The following USP45 variants were observed in gnomAD, a reference collection of about 807,000 sequenced individuals.
USP45 encodes the protein ubiquitin specific peptidase 45, also known as ubiquitin carboxyl-terminal hydrolase 45.
In USP45, 89 loss-of-function variants were observed where a neutral mutation model predicts 95.8. The ratio of observed to expected loss-of-function variants is 0.93; its 90% CI spans 0.78 to 1.11. The LOEUF is 1.11. Ranked by LOEUF, USP45 falls within the 50% of genes least tolerant of loss-of-function variation. USP45 has a pLI of 0.00. For missense variants in USP45, 898 were observed against 942.5 expected (o/e 0.95, Z 0.62); for synonymous variants, 281 against 316.2 (o/e 0.89, Z 1.18).
At chr6:99,484,120 G>A (rs192599487) in intron 7 of USP45, among the ~76,000 whole-genome samples, 294 of 145,946 alleles carry the variant, frequency 2.0e-3, no homozygotes, top group Non-Finnish European at 2.3e-3. Flanking sequence ...GCAGGCATGA[G>A]CCACCACACC....
intron 13 of USP45, among the ~76,000 whole-genome samples, chr6:99,460,241 G>A (rs1193010262): frequency 2.0e-5 from 3 of 152,000 alleles, no homozygotes; most frequent in Non-Finnish European, 4.4e-5. Flanking sequence ...TATCAAATCA[G>A]TACTTGTACC....
intron 3 of USP45, 109 bp downstream of exon 3, chr6:99,508,501 T>C: frequency 1.8e-6 from 2 of 1,113,774 alleles, no homozygotes; most frequent in Non-Finnish European, 2.5e-6. Context: ...TCTATCTAAA[T>C]TGGAATAAAT....
intron 7 of USP45, 23 bp downstream of exon 7, chr6:99,488,177 T>C (rs1794409605): frequency 2.0e-6 from 3 of 1,512,062 alleles, no homozygotes; most frequent in Non-Finnish European, 2.8e-6. Flanking sequence ...AAAGCAGCTA[T>C]TATTCAAACA....
chr6:99,458,280 A>G (rs12214898), intron 13 of USP45, among the ~76,000 whole-genome samples: 46,408 of 152,108 alleles, frequency 0.31, 7,374 homozygotes, highest in Middle Eastern at 0.39. Flanking sequence ...CGGCCTCCCA[A>G]AGTGCTGGGA....
intron 12 of USP45, 158 bp downstream of exon 12, chr6:99,464,922 T>C: frequency 1.0e-6 from 1 of 953,882 alleles, no homozygotes; most frequent in Non-Finnish European, 1.5e-6. Context: ...TTATGCATAC[T>C]TACACAAACC....
At chr6:99,479,155 TAC>T (rs1336070176) in intron 8 of USP45, among the ~76,000 whole-genome samples, 10 of 51,792 alleles carry the variant, frequency 1.9e-4, no homozygotes, top group Admixed American at 2.6e-4. Context: ...TATGTATATA[TAC>T]ATATATACAC....
At chr6:99,463,900 G>A (rs1347372731) in intron 13 of USP45, among the ~76,000 whole-genome samples, 2 of 149,526 alleles carry the variant, frequency 1.3e-5, no homozygotes, top group Non-Finnish European at 3.0e-5. Flanking sequence ...AAAAAACTAA[G>A]TACTTATGAG....
intron 13 of USP45, chr6:99,461,082 C>A (rs1305502232): frequency 1.0e-6 from 1 of 984,692 alleles, no homozygotes; most frequent in Admixed American, 6.2e-5. Flanking sequence ...CTGATTCTGG[C>A]AGAAGTATTA....
chr6:99,511,947 A>G (rs906594675), intron 1 of USP45, among the ~76,000 whole-genome samples: 2 of 149,592 alleles, frequency 1.3e-5, no homozygotes, highest in Admixed American at 6.7e-5. Flanking sequence ...TAAATACTTC[A>G]GCATGTATCT....
At chr6:99,512,918 C>G (rs1300501377) in intron 1 of USP45, among the ~76,000 whole-genome samples, 1 of 152,144 alleles carries the variant, frequency 6.6e-6, no homozygotes, top group Non-Finnish European at 1.5e-5. Flanking sequence ...CTTGCCTGAT[C>G]AGCCACTCAT....
chr6:99,444,188 C>T (rs539967481), intron 14 of USP45, among the ~76,000 whole-genome samples: 5 of 152,006 alleles, frequency 3.3e-5, no homozygotes, highest in South Asian at 2.1e-4. Flanking sequence ...ATTTTTAAAA[C>T]GTTTTTTGTA....
chr6:99,463,684 C>A (rs1263588626), intron 13 of USP45, among the ~76,000 whole-genome samples: 1 of 150,932 alleles, frequency 6.6e-6, no homozygotes, highest in Non-Finnish European at 1.5e-5. Flanking sequence ...TGGTGACATG[C>A]GCCTGTACTC....
Position 99,466,679 on chromosome 6 carries a change from C to T in USP45, c.1100G>A (p.Cys367Tyr), listed in dbSNP as rs768688020. Reference protein sequence around the residue: ...ELTSTVMCEECANISTVKDPF... With the variant: ...ELTSTVMCEEYANISTVKDPF... ...GAATTCTAAAGTACCTACATTTGCA[C>T]ATTCTTCACACATGACCGTGCTAGT... The change falls in exon 11 of 18, where the codon TGT (cysteine) becomes TAT (tyrosine). Residue 367 changes from cysteine to tyrosine, a missense_variant. Coordinates refer to ENST00000500704, the MANE Select transcript of USP45 (RefSeq NM_001346022.3). 3.1e-6 allele frequency: 5 copies of T among 1,612,658 alleles called. No homozygotes were observed. In the East Asian group the frequency reaches 8.9e-5, roughly 29 times the overall value.
At chr6:99,454,982 C>T (rs974960828) in intron 13 of USP45, among the ~76,000 whole-genome samples, 4 of 150,550 alleles carry the variant, frequency 2.7e-5, no homozygotes, top group African/African-American at 9.8e-5. Context: ...GCCAGCTACT[C>T]GGGAGGCTGA....
At chr6:99,438,627 A>G (rs1472682406) in intron 16 of USP45, among the ~76,000 whole-genome samples, 3 of 152,246 alleles carry the variant, frequency 2.0e-5, no homozygotes, top group East Asian at 1.9e-4. Flanking sequence ...TTATGAGACA[A>G]TTGAAAATAT....
At chr6:99,466,322 G>C (rs974104489) in intron 11 of USP45, among the ~76,000 whole-genome samples, 2 of 151,996 alleles carry the variant, frequency 1.3e-5, no homozygotes, top group Non-Finnish European at 2.9e-5. Context: ...ACCCAGCCTG[G>C]AATTACATTT....
rs150001909 is a variant in USP45, at chr6:99,484,356, C to T, written c.715-1473G>A. 1.8e-3 allele frequency among the ~76,000 whole-genome samples: 267 copies of T among 145,494 alleles called. 1 individual carries two copies. Among genetic ancestry groups the T allele is most frequent in the East Asian group, 6.0e-3 (28 of 4,640 alleles). ...TTGATTTTTAAAATTTTTGTAGAGACGGGGGTAGAGGGGGGGTCTCACTTT... is the reference window on the plus strand; with the variant it reads ...TTGATTTTTAAAATTTTTGTAGAGATGGGGGTAGAGGGGGGGTCTCACTTT... On this transcript the variant is annotated intron_variant, in intron 7 of 17. Coordinates refer to ENST00000500704, the MANE Select transcript of USP45 (RefSeq NM_001346022.3).
At chr6:99,443,542 A>T (rs778451142) in intron 15 of USP45, 23 bp downstream of exon 15, 1 of 1,523,466 alleles carries the variant, frequency 6.6e-7, no homozygotes, top group Non-Finnish European at 9.0e-7. Flanking sequence ...GATGAAAATT[A>T]TGGTGCTACT....
chr6:99,442,862 A>G (rs930495121), intron 15 of USP45, among the ~76,000 whole-genome samples: 9 of 151,246 alleles, frequency 6.0e-5, no homozygotes, highest in Admixed American at 2.0e-4. Context: ...TCCCAAAAAA[A>G]TTATTTAAGT....
Sources: gnomAD v4.1 joint callset for allele counts (sites outside exome capture counted in the v4.1 genomes callset) on GRCh38, gnomAD v4.1.1 for gene constraint, MANE v1.5 for transcripts, NCBI Gene and HGNC (gene_info 2026-07-23, HGNC 2026-07-21) for gene names.